The following CCSER2 variants were observed in gnomAD, a reference collection of about 807,000 sequenced individuals.
CCSER2 encodes the protein coiled-coil serine rich protein 2, also known as serine-rich coiled-coil domain-containing protein 2.
In CCSER2, 46 loss-of-function variants were observed where a neutral mutation model predicts 92.3. The observed-to-expected ratio is 0.50, with a 90% CI of 0.39 to 0.64. The LOEUF (loss-of-function observed/expected upper bound fraction) is 0.64, where lower values mean the gene tolerates loss of function less well. CCSER2 is among the 30% of genes least tolerant of loss of function. The pLI is 0.00. For synonymous variants in CCSER2, 433 were observed against 431.4 expected (o/e 1.00, Z -0.04); for missense variants, 1,244 against 1,238.9 (o/e 1.00, Z -0.06).
intron 1 of CCSER2, among the ~76,000 whole-genome samples, chr10:84,337,442 C>G (rs545882202): frequency 6.6e-6 from 1 of 152,158 alleles, no homozygotes; most frequent in Non-Finnish European, 1.5e-5. Flanking sequence ...ATATGAAAAT[C>G]ATTGGTGACC....
At chr10:84,395,742 C>A (rs1291781335) in intron 3 of CCSER2, among the ~76,000 whole-genome samples, 1 of 152,158 alleles carries the variant, frequency 6.6e-6, no homozygotes, top group Non-Finnish European at 1.5e-5. Context: ...TAACATTAGA[C>A]CAACCATTGG....
intron 1 of CCSER2, among the ~76,000 whole-genome samples, chr10:84,370,575 ACTT>A (rs1460103586): frequency 1.3e-5 from 2 of 152,064 alleles, no homozygotes; most frequent in African/African-American, 2.4e-5. Context: ...AGATAGTTTG[ACTT>A]CTTCTTTTCC....
intron 9 of CCSER2, among the ~76,000 whole-genome samples, chr10:84,509,097 T>G (rs1175956197): frequency 1.3e-5 from 2 of 152,234 alleles, no homozygotes; most frequent in African/African-American, 4.8e-5. Context: ...CAGTATTTCC[T>G]GCTATCCTTC....
At chr10:84,377,374 G>T (rs1032910337) in intron 3 of CCSER2, among the ~76,000 whole-genome samples, 1 of 152,018 alleles carries the variant, frequency 6.6e-6, no homozygotes, top group African/African-American at 2.4e-5. Flanking sequence ...TTTTCTGTAT[G>T]GTGTGAGATA....
rs565603671 is a variant in CCSER2 at position 84,354,519 on chromosome 10, G to T, written c.-39-16495G>T. Among the ~76,000 whole-genome samples the T allele has an allele frequency of 2.6e-5, 4 of 151,560 alleles. No individual in the cohort carries two copies. The South Asian group carries it at 8.3e-4, about 32-fold the overall frequency. On this transcript the variant is annotated intron_variant, in intron 1 of 9. Transcript: ENST00000372088. ...TTTTTATTTCTCTTCTTTACTCTTG[G>T]ATCATACGTTCTCTGTGCCACCCCC...
At chr10:84,455,310 T>TACTC (rs61132021) in intron 6 of CCSER2, 125,326 of 146,772 alleles carry the variant, frequency 0.85, 53,643 homozygotes, top group East Asian at 0.9. Flanking sequence ...GAAAGAGTCT[T>TACTC]TGTCGCCCAG....
rs1554828778 is a variant in CCSER2, at chr10:84,332,412, TTATATA to T, written c.-40+3624_-40+3629del. Among the ~76,000 whole-genome samples the T allele has an allele frequency of 4.9e-3, 402 of 82,074 alleles. 11 individuals carry two copies. The highest frequency in any genetic ancestry group is 0.034 in the Middle Eastern group (3 of 88). The allele number at this position is 82,074 out of a possible 152,430, so 53.8% of individuals were successfully genotyped here. On this transcript the variant is annotated intron_variant, in intron 1 of 9. Coordinates refer to ENST00000372088, the MANE Select transcript of CCSER2 (RefSeq NM_001284240.2). ...ATTTTATATTATTAAATTTATTTTT[TTATATA>T]TATATATATATATATATATTTTTTT...
chr10:84,378,538 G>A (rs990258318), intron 3 of CCSER2, among the ~76,000 whole-genome samples: 2 of 150,728 alleles, frequency 1.3e-5, no homozygotes, highest in African/African-American at 4.9e-5. Flanking sequence ...AGGTTCAAGC[G>A]TTTCTTCTGC....
chr10:84,388,324 T>C (rs1377322404), intron 3 of CCSER2, among the ~76,000 whole-genome samples: 2 of 152,224 alleles, frequency 1.3e-5, no homozygotes, highest in Non-Finnish European at 2.9e-5. Flanking sequence ...TAAGGTTATT[T>C]CATGGCTGGA....
At chr10:84,394,712 A>G (rs1195603992) in intron 3 of CCSER2, among the ~76,000 whole-genome samples, 6 of 91,488 alleles carry the variant, frequency 6.6e-5, no homozygotes, top group Non-Finnish European at 1.3e-4. Flanking sequence ...AATTATATTT[A>G]TAAATCAGAT....
At chr10:84,358,842 T>G (rs59435595) in intron 1 of CCSER2, among the ~76,000 whole-genome samples, 11,778 of 152,202 alleles carry the variant, frequency 0.077, 512 homozygotes, top group Middle Eastern at 0.12. Flanking sequence ...GTTCATAAAT[T>G]CTTTTTGTAA....
chr10:84,430,438 A>C (rs1269201338), intron 5 of CCSER2, among the ~76,000 whole-genome samples: 2 of 152,252 alleles, frequency 1.3e-5, no homozygotes, highest in Admixed American at 1.3e-4. Flanking sequence ...TGATATTGCC[A>C]TTTCAGGCAG....
chr10:84,427,392 C>T (rs929062775), intron 5 of CCSER2, among the ~76,000 whole-genome samples: 1 of 152,160 alleles, frequency 6.6e-6, no homozygotes, highest in African/African-American at 2.4e-5. Context: ...AGCCTTACCC[C>T]AGCATACCTT....
intron 1 of CCSER2, among the ~76,000 whole-genome samples, chr10:84,357,476 GTCTC>G (rs113061310): frequency 0.023 from 3,230 of 141,736 alleles, 112 homozygotes; most frequent in African/African-American, 0.08. Context: ...TTGAGACGGA[GTCTC>G]TCTCTGTCAC....
chr10:84,457,279 TTATATATTATATA>T (rs1216749577), intron 6 of CCSER2, among the ~76,000 whole-genome samples: 84 of 7,896 alleles, frequency 0.011, 2 homozygotes, highest in East Asian at 0.088. Flanking sequence ...ATATAATATA[TTATATATTATATA>T]TTATATATAA....
intron 7 of CCSER2, among the ~76,000 whole-genome samples, chr10:84,466,776 G>C (rs1458897270): frequency 6.6e-6 from 1 of 151,858 alleles, no homozygotes; most frequent in Non-Finnish European, 1.5e-5. Flanking sequence ...GCCTCCCAAA[G>C]TGCTGGGATT....
At chr10:84,368,306 C>T (rs376983701) in intron 1 of CCSER2, among the ~76,000 whole-genome samples, 92 of 151,874 alleles carry the variant, frequency 6.1e-4, no homozygotes, top group African/African-American at 1.8e-3. Flanking sequence ...TTTTTCTGTC[C>T]GCTACTTTTT....
chr10:84,335,620 C>G (rs563637996), intron 1 of CCSER2, among the ~76,000 whole-genome samples: 80 of 152,166 alleles, frequency 5.3e-4, no homozygotes, highest in African/African-American at 1.8e-3. Flanking sequence ...CAACACTGCC[C>G]CCATGTCAAG....
chr10:84,475,597 CCAAAT>C (rs745546312), intron 8 of CCSER2, among the ~76,000 whole-genome samples: 4 of 151,964 alleles, frequency 2.6e-5, no homozygotes, highest in African/African-American at 4.8e-5. Flanking sequence ...GAAAATAATC[CCAAAT>C]CAAAAGTGTG....
Sources: gnomAD v4.1 joint callset for allele counts (sites outside exome capture counted in the v4.1 genomes callset) on GRCh38, gnomAD v4.1.1 for gene constraint, MANE v1.5 for transcripts, NCBI Gene and HGNC (gene_info 2026-07-23, HGNC 2026-07-21) for gene names.